The following ADAMTS16 variants were observed in gnomAD, a reference collection of about 807,000 sequenced individuals.
ADAMTS16 encodes ADAM metallopeptidase with thrombospondin type 1 motif 16, also known as A disintegrin and metalloproteinase with thrombospondin motifs 16.
A neutral mutation model predicts 145.8 loss-of-function variants in ADAMTS16; 94 were observed. The ratio of observed to expected loss-of-function variants is 0.64; its 90% CI spans 0.55 to 0.77. The LOEUF is 0.77. ADAMTS16 is among the 30% of genes least tolerant of loss of function. ADAMTS16 has a pLI of 0.00. For synonymous variants in ADAMTS16, 659 were observed against 604.3 expected (o/e 1.09, Z -1.33); for missense variants, 1,585 against 1,591.5 (o/e 1.00, Z 0.07).
intron 18 of ADAMTS16, among the ~76,000 whole-genome samples, chr5:5,300,772 C>G (rs567275600): frequency 3.3e-5 from 5 of 152,290 alleles, no homozygotes; most frequent in Admixed American, 6.5e-5. Flanking sequence ...GAGTCCAAAC[C>G]TTGGCTCTAA....
At chr5:5,246,767 A>G (rs899527783) in intron 17 of ADAMTS16, among the ~76,000 whole-genome samples, 1 of 152,188 alleles carries the variant, frequency 6.6e-6, no homozygotes, top group Non-Finnish European at 1.5e-5. Flanking sequence ...ACTTCGATCC[A>G]GTGATTTTTT....
At chr5:5,187,698 C>T in intron 5 of ADAMTS16, 27 bp from the exon 6 acceptor site, 1 of 1,531,012 alleles carries the variant, frequency 6.5e-7, no homozygotes, top group Non-Finnish European at 9.1e-7. Flanking sequence ...ATTTATGGGG[C>T]TGACATGGAT....
Position 5,320,283 on chromosome 5 carries a change from A to G in ADAMTS16, c.*1145A>G. ...TTTATATTTGCTGAAGTTTTATAATAAAGTTTATATGGTACAGTGTGCTTC... is the reference window on the plus strand; with the variant it reads ...TTTATATTTGCTGAAGTTTTATAATGAAGTTTATATGGTACAGTGTGCTTC... On this transcript the variant is annotated 3_prime_UTR_variant, in exon 23 of 23. Coordinates refer to ENST00000274181, the MANE Select transcript of ADAMTS16 (RefSeq NM_139056.4). The surrounding 1 kb of genome is among the most constrained non-coding windows in gnomAD (Gnocchi z 5.1). 1 of 244,386 alleles carries G rather than the reference A, an allele frequency of 4.1e-6. No homozygotes were observed. Among genetic ancestry groups the G allele is most frequent in the South Asian group, 4.9e-5 (1 of 20,326 alleles). 15.1% of individuals were successfully genotyped at this position (244,386 alleles called of 1,614,324 possible). A position where few individuals can be genotyped will look rare whatever the true frequency, so the allele number is the denominator to read the frequency against.
chr5:5,193,700 C>T (rs1735726518), intron 8 of ADAMTS16, among the ~76,000 whole-genome samples: 1 of 152,138 alleles, frequency 6.6e-6, no homozygotes, highest in Non-Finnish European at 1.5e-5. Context: ...TCTTAGAAGT[C>T]AATTATTACT....
chr5:5,181,742 T>A (rs10036706), intron 3 of ADAMTS16, among the ~76,000 whole-genome samples: 30,623 of 152,122 alleles, frequency 0.2, 3,655 homozygotes, highest in Admixed American at 0.39. Flanking sequence ...TGGTGTAAAT[T>A]AACTGACTTT....
chr5:5,277,642 T>A (rs1179297590), intron 18 of ADAMTS16, among the ~76,000 whole-genome samples: 1 of 152,152 alleles, frequency 6.6e-6, no homozygotes, highest in East Asian at 1.9e-4. Flanking sequence ...AATTAGGGCT[T>A]TTTCATTGTT....
chr5:5,159,379 T>A (rs1470843949), intron 3 of ADAMTS16, among the ~76,000 whole-genome samples: 1 of 152,188 alleles, frequency 6.6e-6, no homozygotes, highest in Non-Finnish European at 1.5e-5. Context: ...GCTTTCTTAA[T>A]TCACAATTAA....
intron 18 of ADAMTS16, among the ~76,000 whole-genome samples, chr5:5,293,616 G>A (rs1203493634): frequency 1.3e-5 from 2 of 152,168 alleles, no homozygotes; most frequent in African/African-American, 4.8e-5. Flanking sequence ...GGGAGCAACT[G>A]TGTTTCCGTC....
At chr5:5,169,528 T>A (rs895310262) in intron 3 of ADAMTS16, among the ~76,000 whole-genome samples, 1 of 152,204 alleles carries the variant, frequency 6.6e-6, no homozygotes, top group Non-Finnish European at 1.5e-5. Flanking sequence ...TATTATCACC[T>A]TCCTTGAGCC....
intron 10 of ADAMTS16, among the ~76,000 whole-genome samples, chr5:5,219,915 T>C (rs908935640): frequency 1.3e-5 from 2 of 152,192 alleles, no homozygotes; most frequent in African/African-American, 4.8e-5. Context: ...CTAAGAATAT[T>C]CTGAAGTTAC....
chr5:5,174,623 C>G (rs1045971120), intron 3 of ADAMTS16, among the ~76,000 whole-genome samples: 1 of 152,056 alleles, frequency 6.6e-6, no homozygotes, highest in African/African-American at 2.4e-5. Context: ...TGTAGGCATG[C>G]TTCATTCTTT....
In ADAMTS16 at chr5:5,310,948, G is replaced by T. The variant is rs1740401967; in HGVS notation, c.3411+4220G>T. Reference sequence around the variant, plus strand: ...TCACTTTATATGCTGCAGAGCCCTAGCCCAGAGCCACGAGGACCAGAGATA... The same window carrying T: ...TCACTTTATATGCTGCAGAGCCCTATCCCAGAGCCACGAGGACCAGAGATA... On this transcript the variant is annotated intron_variant, in intron 21 of 22. Coordinates refer to ENST00000274181, the MANE Select transcript of ADAMTS16 (RefSeq NM_139056.4). This position sits in a 1 kb window ranked among gnomAD's most constrained non-coding sequence, Gnocchi z 4.3. Among the ~76,000 whole-genome samples, 1 of 152,080 alleles carries T rather than the reference G, an allele frequency of 6.6e-6. No homozygotes were observed. The highest frequency in any genetic ancestry group is 2.4e-5 in the African/African-American group (1 of 41,420).
At chr5:5,156,755 A>G (rs1355004308) in intron 3 of ADAMTS16, among the ~76,000 whole-genome samples, 8 of 152,114 alleles carry the variant, frequency 5.3e-5, no homozygotes, top group Non-Finnish European at 1.2e-4. Context: ...GTGTGTGTCT[A>G]TTTTCAGTCT....
At chr5:5,251,965 C>A (rs190078594) in intron 17 of ADAMTS16, among the ~76,000 whole-genome samples, 28 of 152,246 alleles carry the variant, frequency 1.8e-4, no homozygotes, top group African/African-American at 5.8e-4. Context: ...ATTCTCCTGC[C>A]GCAGCCTCCC....
At chr5:5,213,821 C>A (rs948623800) in intron 10 of ADAMTS16, among the ~76,000 whole-genome samples, 2 of 152,206 alleles carry the variant, frequency 1.3e-5, no homozygotes, top group African/African-American at 4.8e-5. Flanking sequence ...TTTCAGCCTG[C>A]AGCTGTGGTC....
chr5:5,288,082 G>A (rs1261963632), intron 18 of ADAMTS16, among the ~76,000 whole-genome samples: 1 of 152,178 alleles, frequency 6.6e-6, no homozygotes, highest in African/African-American at 2.4e-5. Context: ...GAGGAAGGAG[G>A]CCATCATTTT....
At chr5:5,301,917 T>C (rs1739795338) in intron 18 of ADAMTS16, among the ~76,000 whole-genome samples, 1 of 152,136 alleles carries the variant, frequency 6.6e-6, no homozygotes, top group Non-Finnish European at 1.5e-5. Flanking sequence ...TGCACTGATG[T>C]GCTTGCAAGG....
At chr5:5,208,007 T>G (rs1279951217) in intron 9 of ADAMTS16, among the ~76,000 whole-genome samples, 1 of 152,152 alleles carries the variant, frequency 6.6e-6, no homozygotes, top group Non-Finnish European at 1.5e-5. Flanking sequence ...GTTTGTCTGG[T>G]TTTGGTATTA....
At chr5:5,166,083 C>T (rs1026273698) in intron 3 of ADAMTS16, among the ~76,000 whole-genome samples, 12 of 152,156 alleles carry the variant, frequency 7.9e-5, no homozygotes, top group African/African-American at 2.9e-4. Context: ...GTCCTGTAAA[C>T]TTGATTGATA....
Sources: gnomAD v4.1 joint callset for allele counts (sites outside exome capture counted in the v4.1 genomes callset) on GRCh38, gnomAD v4.1.1 for gene constraint, Gnocchi (gnomAD v3.1) non-coding constraint, MANE v1.5 for transcripts, NCBI Gene and HGNC (gene_info 2026-07-23, HGNC 2026-07-21) for gene names.